Variants in CDH22 observed in about 807,000 individuals in gnomAD.
CDH22 encodes cadherin-22.
In CDH22, 30 loss-of-function variants were observed where a neutral mutation model predicts 58.4. The ratio of observed to expected loss-of-function variants is 0.51; its 90% CI spans 0.38 to 0.70. The LOEUF (loss-of-function observed/expected upper bound fraction) is 0.70, where lower values mean the gene tolerates loss of function less well. Among genes scored for constraint, CDH22 ranks in the 30% least tolerant of loss-of-function variants. The pLI is 0.00. For synonymous variants in CDH22, 513 were observed against 558.2 expected, an observed-to-expected ratio of 0.92 and a Z score of 1.14; for missense variants, 1,014 against 1,233.9, an observed-to-expected ratio of 0.82 and a Z score of 2.67.
intron 10 of CDH22, among the ~76,000 whole-genome samples, chr20:46,181,246 AC>A (rs1239564626): frequency 6.6e-6 from 1 of 152,144 alleles, no homozygotes; most frequent in African/African-American, 2.4e-5. Flanking sequence ...ACAATTACAA[AC>A]CATGGTGAGT....
intron 1 of CDH22, among the ~76,000 whole-genome samples, chr20:46,273,950 TG>T (rs758165329): frequency 3.9e-5 from 6 of 152,174 alleles, no homozygotes; most frequent in Non-Finnish European, 7.4e-5. Context: ...CTGCAGCCAC[TG>T]GGAGGAGGGA....
intron 2 of CDH22, 122 bp downstream of exon 2, chr20:46,250,918 G>A: frequency 1.6e-6 from 1 of 636,562 alleles, no homozygotes; most frequent in Non-Finnish European, 2.8e-6. Context: ...TCCTTGGCTA[G>A]GGAGCAGAAG....
intron 2 of CDH22, among the ~76,000 whole-genome samples, chr20:46,242,531 G>T (rs2086298874): frequency 6.6e-6 from 1 of 152,350 alleles, no homozygotes; most frequent in East Asian, 1.9e-4. Context: ...CCCTTAGCAG[G>T]TGCCACCAAG....
chr20:46,302,243 T>C (rs975812407), intron 1 of CDH22, among the ~76,000 whole-genome samples: 1 of 152,270 alleles, frequency 6.6e-6, no homozygotes, highest in African/African-American at 2.4e-5. Context: ...GCCTCCACAC[T>C]ATCAACAGTT....
chr20:46,191,470 C>A (rs556320368), intron 8 of CDH22, among the ~76,000 whole-genome samples: 1 of 152,266 alleles, frequency 6.6e-6, no homozygotes, highest in South Asian at 2.1e-4. Flanking sequence ...CGGGGCCTGG[C>A]CTGGTGCCCC....
intron 1 of CDH22, among the ~76,000 whole-genome samples, chr20:46,276,371 G>C (rs1033169734): frequency 6.6e-6 from 1 of 152,196 alleles, no homozygotes; most frequent in African/African-American, 2.4e-5. Context: ...TGGAGGGGCC[G>C]GAGTTGCTTC....
chr20:46,181,783 C>CT (rs2085790422), intron 10 of CDH22, among the ~76,000 whole-genome samples: 1 of 128,830 alleles, frequency 7.8e-6, no homozygotes, highest in Non-Finnish European at 1.6e-5. Context: ...TTCTTTCTTT[C>CT]TTTCTTTCTT....
chr20:46,184,454 C>A (rs1265231290), intron 10 of CDH22, among the ~76,000 whole-genome samples: 1 of 152,134 alleles, frequency 6.6e-6, no homozygotes, highest in Admixed American at 6.5e-5. Context: ...ATATGCCAAG[C>A]ACTGCTCCAG....
chr20:46,265,750 TACCGTG>T lies in CDH22; in HGVS notation c.-399-14063_-399-14058del, dbSNP rs376825716. On this transcript the variant is annotated intron_variant, in intron 1 of 11. Coordinates refer to ENST00000537909, the MANE Select transcript of CDH22 (RefSeq NM_021248.3). ...TGCATAGTACTCCATTGCATGAATA[TACCGTG>T]ACTTAGAAATCCATTCATCCATTCT... 9.3e-3 allele frequency among the ~76,000 whole-genome samples: 1,411 copies of T among 152,328 alleles called. 13 individuals carry two copies. The highest frequency in any genetic ancestry group is 0.031 in the Middle Eastern group (9 of 294).
At chr20:46,278,835 G>A (rs552438729) in intron 1 of CDH22, among the ~76,000 whole-genome samples, 13 of 152,286 alleles carry the variant, frequency 8.5e-5, no homozygotes, top group African/African-American at 2.4e-4. Flanking sequence ...CAATCCTCTC[G>A]CCTTGGCCTC....
intron 11 of CDH22, 24 bp downstream of exon 11, chr20:46,177,922 C>T: frequency 6.2e-7 from 1 of 1,610,834 alleles, no homozygotes; most frequent in Non-Finnish European, 8.5e-7. Flanking sequence ...TCAGGCAGGG[C>T]TGGGTGGCTC....
At chr20:46,193,494 T>C (rs1465488535) in intron 8 of CDH22, among the ~76,000 whole-genome samples, 2 of 152,116 alleles carry the variant, frequency 1.3e-5, no homozygotes, top group African/African-American at 4.8e-5. Flanking sequence ...ATCCTCCCCA[T>C]GAACCCGAGG....
chr20:46,222,447 C>T (rs1047067405), intron 4 of CDH22, among the ~76,000 whole-genome samples: 3 of 152,244 alleles, frequency 2.0e-5, no homozygotes, highest in Non-Finnish European at 2.9e-5. Flanking sequence ...GGATCTGGCA[C>T]TTAGAAGGTG....
intron 4 of CDH22, among the ~76,000 whole-genome samples, chr20:46,218,570 A>G (rs1437896609): frequency 6.6e-6 from 1 of 152,176 alleles, no homozygotes; most frequent in East Asian, 1.9e-4. Flanking sequence ...CCTTACACAC[A>G]TGCACACTCA....
chr20:46,272,306 T>G (rs939515571), intron 1 of CDH22, among the ~76,000 whole-genome samples: 1 of 152,172 alleles, frequency 6.6e-6, no homozygotes, highest in Non-Finnish European at 1.5e-5. Context: ...GAGTTCCTTT[T>G]TGGATGTGTT....
intron 9 of CDH22, 39 bp from the exon 10 acceptor site, chr20:46,186,744 C>G: frequency 1.2e-6 from 2 of 1,606,012 alleles, no homozygotes; most frequent in Non-Finnish European, 1.7e-6. Flanking sequence ...AGTGGTGAGG[C>G]TGAGACCACT....
rs546228782 is a variant in CDH22 at position 46,282,950 on chromosome 20, C to T, written c.-400+25305G>A. On this transcript the variant is annotated intron_variant, in intron 1 of 11. Transcript: ENST00000537909. Reference sequence around the variant, plus strand: ...TAGGGACAGGAGTGGGAGCAGCTGGCCAGGTCTAGGGGAGCCTGGAGTCCA... The same window carrying T: ...TAGGGACAGGAGTGGGAGCAGCTGGTCAGGTCTAGGGGAGCCTGGAGTCCA... Among the ~76,000 whole-genome samples, 8 of 152,304 alleles carry T rather than the reference C, an allele frequency of 5.3e-5. No individual in the cohort carries two copies. In the East Asian group the frequency reaches 1.4e-3, roughly 26 times the overall value.
At chr20:46,263,190 C>T (rs1284072527) in intron 1 of CDH22, among the ~76,000 whole-genome samples, 1 of 152,142 alleles carries the variant, frequency 6.6e-6, no homozygotes, top group Non-Finnish European at 1.5e-5. Context: ...TGAGTGAATC[C>T]ATGAAGGGAT....
chr20:46,230,129 C>G (rs1282850659), intron 3 of CDH22, among the ~76,000 whole-genome samples: 1 of 152,120 alleles, frequency 6.6e-6, no homozygotes, highest in African/African-American at 2.4e-5. Flanking sequence ...AGCAGCTCCC[C>G]AGAATTGGCT....
Sources: allele counts gnomAD v4.1 joint callset (sites outside exome capture counted in the v4.1 genomes callset), GRCh38; gene constraint gnomAD v4.1.1; transcripts MANE v1.5; gene names NCBI Gene and HGNC (gene_info 2026-07-23, HGNC 2026-07-21).